The following MVB12B variants were observed in gnomAD, a reference collection of about 807,000 sequenced individuals.
MVB12B encodes multivesicular body subunit 12B.
MVB12B carries 16 observed loss-of-function variants against 41.6 expected under a neutral mutation model. The observed-to-expected ratio is 0.38, with a 90% CI of 0.26 to 0.58. MVB12B has a LOEUF of 0.58. MVB12B is among the 20% of genes least tolerant of loss of function. The probability of loss-of-function intolerance (pLI) is 0.62; values close to 1 mark genes in which losing one functional copy is unlikely to be tolerated. For missense variants in MVB12B, 274 were observed against 380.2 expected (o/e 0.72, Z 2.32); for synonymous variants, 133 against 139.7 (o/e 0.95, Z 0.34).
intron 7 of MVB12B, among the ~76,000 whole-genome samples, chr9:126,460,747 A>T (rs910263266): frequency 6.6e-6 from 1 of 152,044 alleles, no homozygotes; most frequent in East Asian, 1.9e-4. Flanking sequence ...GGCCAGATGG[A>T]ATGAGAAGAC....
intron 2 of MVB12B, among the ~76,000 whole-genome samples, chr9:126,341,473 T>C (rs140168550): frequency 2.8e-4 from 42 of 152,310 alleles, no homozygotes; most frequent in African/African-American, 9.4e-4. Flanking sequence ...TCACTGAAAA[T>C]GTGCACCAAG....
At position 126,421,139 on chromosome 9, in the gene MVB12B, T is replaced by C. The variant is rs964551508; in HGVS notation, c.663-715T>C. The stretch of plus-strand genomic sequence containing the variant: ...ATTCACTACAGGCAGCTGGTGACCA[T>C]GCCAAATGGATTGTTTACTTTTGAC... On this transcript the variant is annotated intron_variant, in intron 6 of 9. Coordinates refer to ENST00000361171, the MANE Select transcript of MVB12B (RefSeq NM_033446.3). Among the ~76,000 whole-genome samples, 6 of 152,206 alleles carry C rather than the reference T, an allele frequency of 3.9e-5. 1 individual carries two copies. The highest frequency in any genetic ancestry group is 7.3e-5 in the Non-Finnish European group (5 of 68,038).
intron 7 of MVB12B, among the ~76,000 whole-genome samples, chr9:126,437,658 G>A (rs555430207): frequency 6.6e-5 from 10 of 152,316 alleles, no homozygotes; most frequent in East Asian, 1.9e-4. Flanking sequence ...CTTATCAGGC[G>A]TTCTTCAGTA....
intron 7 of MVB12B, among the ~76,000 whole-genome samples, chr9:126,437,039 C>T (rs1832498802): frequency 6.6e-6 from 1 of 152,104 alleles, no homozygotes; most frequent in East Asian, 1.9e-4. Flanking sequence ...ACCTCTGGTG[C>T]TTGCAGAAGT....
At chr9:126,343,338 G>A (rs1168405135) in intron 2 of MVB12B, among the ~76,000 whole-genome samples, 3 of 152,288 alleles carry the variant, frequency 2.0e-5, no homozygotes, top group Non-Finnish European at 4.4e-5. Flanking sequence ...GTGATGCCAC[G>A]TGCCCGGAGT....
At chr9:126,348,599 G>A (rs1300888895) in intron 2 of MVB12B, among the ~76,000 whole-genome samples, 4 of 152,214 alleles carry the variant, frequency 2.6e-5, no homozygotes, top group African/African-American at 4.8e-5. Flanking sequence ...TAGGGAACAG[G>A]CAGTGTTCTG....
chr9:126,401,549 G>A (rs991904104), intron 6 of MVB12B, among the ~76,000 whole-genome samples: 2 of 152,228 alleles, frequency 1.3e-5, no homozygotes, highest in Non-Finnish European at 2.9e-5. Context: ...TCGATGTCAG[G>A]TTTTGAGAAC....
At chr9:126,452,926 C>T (rs1832911574) in intron 7 of MVB12B, among the ~76,000 whole-genome samples, 1 of 151,910 alleles carries the variant, frequency 6.6e-6, no homozygotes, top group South Asian at 2.1e-4. Context: ...AAATAAGTGA[C>T]CTGCTAATAC....
At chr9:126,400,986 G>A (rs996921657) in intron 6 of MVB12B, among the ~76,000 whole-genome samples, 1 of 152,138 alleles carries the variant, frequency 6.6e-6, no homozygotes. Flanking sequence ...TCCTGCGGGG[G>A]CTCTCCTAGA....
rs544898777 is a variant in MVB12B, at chr9:126,396,682, T to C, written c.662+985T>C. ...TGAGGCTCCAAAGCCCTGAGGACTC[T>C]GTCCTCTGGGACATCCCCCTATAAA... On this transcript the variant is annotated intron_variant, in intron 6 of 9. Transcript: ENST00000361171. 112 of 985,314 alleles carry C rather than the reference T, an allele frequency of 1.1e-4. No homozygotes were observed. The African/African-American group carries it at 1.9e-3, about 17-fold the overall frequency. The allele number at this position is 985,314 out of a possible 1,614,324, so 61.0% of individuals were successfully genotyped here.
At chr9:126,495,533 A>C (rs1191768012) in intron 9 of MVB12B, among the ~76,000 whole-genome samples, 1 of 152,114 alleles carries the variant, frequency 6.6e-6, no homozygotes, top group Non-Finnish European at 1.5e-5. Context: ...CTCTGCCCCC[A>C]TCATCCTATA....
Position 126,392,223 on chromosome 9 carries a change from T to G in MVB12B, c.539+28T>G. 1 of 1,612,698 alleles carries G rather than the reference T, an allele frequency of 6.2e-7. No individual in the cohort carries two copies. Among genetic ancestry groups the G allele is most frequent in the Non-Finnish European group, 8.5e-7 (1 of 1,178,868 alleles). ...GAGTCTTAATAACAGGACTGTCAGC[T>G]GCTTCTCTTCCCTGAGAGCACTCAG... On this transcript the variant is annotated intron_variant, in intron 5 of 9. Transcript: ENST00000361171. The surrounding 1 kb of genome is among the most constrained non-coding windows in gnomAD (Gnocchi z 4.8).
chr9:126,454,788 GTTTT>G (rs56075883), intron 7 of MVB12B, among the ~76,000 whole-genome samples: 1 of 147,338 alleles, frequency 6.8e-6, no homozygotes, highest in Admixed American at 6.7e-5. Context: ...CCATAATTGA[GTTTT>G]TTTTTTTTTA....
chr9:126,502,057 G>A (rs900207452), intron 9 of MVB12B, among the ~76,000 whole-genome samples: 1 of 152,218 alleles, frequency 6.6e-6, no homozygotes, highest in Non-Finnish European at 1.5e-5. Flanking sequence ...ACTTCCACCT[G>A]CTGTCTGCAG....
chr9:126,397,320 G>C (rs1831144595), intron 6 of MVB12B: 2 of 985,460 alleles, frequency 2.0e-6, no homozygotes, highest in African/African-American at 1.7e-5. Context: ...TGGTGACTGT[G>C]AGAGCAAAGT....
chr9:126,457,173 C>T (rs1246542857), intron 7 of MVB12B, among the ~76,000 whole-genome samples: 5 of 152,218 alleles, frequency 3.3e-5, no homozygotes, highest in African/African-American at 9.6e-5. Context: ...CAGCTCCTTC[C>T]CTTACCCACA....
chr9:126,477,189 G>T (rs1464965230), intron 7 of MVB12B, among the ~76,000 whole-genome samples: 2 of 152,096 alleles, frequency 1.3e-5, no homozygotes, highest in Non-Finnish European at 2.9e-5. Context: ...AGGGCCAGGG[G>T]AGGTGCCATG....
chr9:126,411,335 G>A (rs1205056671), intron 6 of MVB12B, among the ~76,000 whole-genome samples: 1 of 152,168 alleles, frequency 6.6e-6, no homozygotes, highest in Non-Finnish European at 1.5e-5. Context: ...TCCTAAAGGG[G>A]AAGATACACG....
intron 2 of MVB12B, among the ~76,000 whole-genome samples, chr9:126,358,024 AT>A (rs1178961103): frequency 6.6e-6 from 1 of 152,124 alleles, no homozygotes; most frequent in Non-Finnish European, 1.5e-5. Flanking sequence ...ATCAAATATC[AT>A]TTTTTATATA....
Sources: allele counts gnomAD v4.1 joint callset (sites outside exome capture counted in the v4.1 genomes callset), GRCh38; gene constraint gnomAD v4.1.1; non-coding constraint Gnocchi (gnomAD v3.1); transcripts MANE v1.5; gene names NCBI Gene and HGNC (gene_info 2026-07-23, HGNC 2026-07-21).